CKMT2: variants seen among roughly 807,000 people sequenced by gnomAD.
CKMT2 encodes creatine kinase, mitochondrial 2.
CKMT2 carries 43 observed loss-of-function variants against 48.9 expected under a neutral mutation model. The ratio of observed to expected loss-of-function variants is 0.88; its 90% CI spans 0.69 to 1.13. The LOEUF is 1.13. Among genes scored for constraint, CKMT2 ranks in the 50% most tolerant of loss-of-function variants. The pLI is 0.00. For missense variants in CKMT2, 472 were observed against 555.4 expected, an observed-to-expected ratio of 0.85 and a Z score of 1.51; for synonymous variants, 206 against 213.0, an observed-to-expected ratio of 0.97 and a Z score of 0.29.
intron 8 of CKMT2, among the ~76,000 whole-genome samples, chr5:81,259,759 C>T (rs558098816): frequency 6.6e-6 from 1 of 152,214 alleles, no homozygotes; most frequent in African/African-American, 2.4e-5. Context: ...GAGACTTAGA[C>T]TCCCACACAA....
At position 81,257,080 on chromosome 5, in the gene CKMT2, G is replaced by A; in HGVS notation, c.755+80G>A. 3 of 1,128,434 alleles carry A rather than the reference G, an allele frequency of 2.7e-6. 1 individual carries two copies. In the South Asian group the frequency reaches 4.1e-5, roughly 15 times the overall value. The allele number at this position is 1,128,434 out of a possible 1,614,324, so 69.9% of individuals were successfully genotyped here. A position where few individuals can be genotyped will look rare whatever the true frequency, so the allele number is the denominator to read the frequency against. On this transcript the variant is annotated intron_variant, in intron 6 of 9. Coordinates refer to ENST00000254035, the MANE Select transcript of CKMT2 (RefSeq NM_001099735.2). ...CACCTGCTTATCCTAACCTGGAGTTGCTGTGTACTGCAGTTGACAGCATGC... is the reference window on the plus strand; with the variant it reads ...CACCTGCTTATCCTAACCTGGAGTTACTGTGTACTGCAGTTGACAGCATGC...
At chr5:81,259,530 GTTCT>G (rs753176992) in intron 8 of CKMT2, 11 of 276,880 alleles carry the variant, frequency 4.0e-5, no homozygotes, top group Non-Finnish European at 6.7e-5. Flanking sequence ...GCTCTCTCTG[GTTCT>G]TTCTATCTCC....
At chr5:81,235,500 C>G (rs1343822673) in intron 1 of CKMT2, among the ~76,000 whole-genome samples, 1 of 152,180 alleles carries the variant, frequency 6.6e-6, no homozygotes, top group Non-Finnish European at 1.5e-5. Context: ...CTGAGGAGTT[C>G]AGACACATGG....
At chr5:81,249,579 G>A (rs1481656461) in intron 1 of CKMT2, among the ~76,000 whole-genome samples, 1 of 152,096 alleles carries the variant, frequency 6.6e-6, no homozygotes, top group Admixed American at 6.5e-5. Context: ...CTTTTTCATC[G>A]TTTGTTGGTA....
At chr5:81,253,848 A>T (rs1333132068) in intron 3 of CKMT2, among the ~76,000 whole-genome samples, 2 of 152,188 alleles carry the variant, frequency 1.3e-5, no homozygotes, top group Non-Finnish European at 2.9e-5. Context: ...TTTGCACGAG[A>T]TCATTTGGGC....
chr5:81,257,983 G>A (rs764941056), intron 7 of CKMT2, 127 bp downstream of exon 7: 1 of 856,012 alleles, frequency 1.2e-6, no homozygotes, highest in Non-Finnish European at 1.7e-6. Flanking sequence ...CAAAGCAACT[G>A]CCGCCTCCCA....
chr5:81,248,511 A>G (rs1170481175), intron 1 of CKMT2, among the ~76,000 whole-genome samples: 1 of 152,324 alleles, frequency 6.6e-6, no homozygotes, highest in East Asian at 1.9e-4. Flanking sequence ...GGTGCAGCTC[A>G]CTGAAGAGCC....
chr5:81,266,338 C>A lies in CKMT2; in HGVS notation c.*80C>A. The A allele has an allele frequency of 2.2e-6, 3 of 1,359,340 alleles. No individual in the cohort carries two copies. The highest frequency in any genetic ancestry group is 2.6e-5 in the South Asian group (2 of 76,126). 84.2% of individuals were successfully genotyped at this position (1,359,340 alleles called of 1,614,324 possible). On this transcript the variant is annotated 3_prime_UTR_variant, in exon 10 of 10. Transcript: ENST00000254035. ...TCTCTACTCTGAGAGTTTTTATACACTTGGAAAAATATAAAATTGTAGATC... is the reference window on the plus strand; with the variant it reads ...TCTCTACTCTGAGAGTTTTTATACAATTGGAAAAATATAAAATTGTAGATC...
intron 1 of CKMT2, among the ~76,000 whole-genome samples, chr5:81,234,220 A>G (rs1007296736): frequency 3.2e-4 from 48 of 152,196 alleles, no homozygotes; most frequent in African/African-American, 1.1e-3. Flanking sequence ...CAAACAGACC[A>G]AAACCTTTAG....
At chr5:81,245,557 C>T (rs140743109) in intron 1 of CKMT2, 41 of 152,362 alleles carry the variant, frequency 2.7e-4, no homozygotes, top group African/African-American at 8.9e-4. Flanking sequence ...CATCTGAGGT[C>T]GTCTGTGAGT....
chr5:81,251,324 C>A, intron 2 of CKMT2, 40 bp downstream of exon 2: 2 of 1,604,494 alleles, frequency 1.2e-6, no homozygotes, highest in Non-Finnish European at 1.7e-6. Flanking sequence ...AGGCCAGGCA[C>A]GGTGGCTCAT....
chr5:81,261,274 A>G (rs1016169442), intron 8 of CKMT2, among the ~76,000 whole-genome samples: 1 of 152,244 alleles, frequency 6.6e-6, no homozygotes, highest in Non-Finnish European at 1.5e-5. Context: ...AGCTGGAAGC[A>G]TTCCCTTTGA....
intron 1 of CKMT2, among the ~76,000 whole-genome samples, chr5:81,243,884 G>A (rs562352908): frequency 6.6e-6 from 1 of 152,158 alleles, no homozygotes; most frequent in Admixed American, 6.5e-5. Flanking sequence ...GTAGAGACAG[G>A]GTTTCGCCAT....
chr5:81,257,882 A>G (rs1464638476), intron 7 of CKMT2, 26 bp downstream of exon 7: 1 of 1,593,072 alleles, frequency 6.3e-7, no homozygotes, highest in African/African-American at 1.4e-5. Context: ...AGATTTCTGG[A>G]TATTTATTAA....
intron 8 of CKMT2, among the ~76,000 whole-genome samples, chr5:81,261,554 A>G (rs1034470525): frequency 2.0e-5 from 3 of 151,300 alleles, no homozygotes; most frequent in Non-Finnish European, 3.0e-5. Context: ...CTATACACCA[A>G]TAGACAAACA....
intron 1 of CKMT2, chr5:81,238,493 C>T (rs939996968): frequency 6.6e-6 from 1 of 152,210 alleles, no homozygotes; most frequent in African/African-American, 2.4e-5. Context: ...CCACAGACCA[C>T]ACTTTGGCAG....
chr5:81,248,521 C>T (rs1454544934), intron 1 of CKMT2, among the ~76,000 whole-genome samples: 3 of 152,120 alleles, frequency 2.0e-5, no homozygotes, highest in Admixed American at 6.6e-5. Flanking sequence ...ACTGAAGAGC[C>T]GTTATCTATT....
At chr5:81,252,643 G>T in intron 2 of CKMT2, 52 bp from the exon 3 acceptor site, 1 of 1,584,030 alleles carries the variant, frequency 6.3e-7, no homozygotes, top group South Asian at 1.1e-5. Context: ...CCTTCCATTG[G>T]CCCCTTTCCT....
intron 1 of CKMT2, chr5:81,235,661 C>T (rs1467049605): frequency 5.3e-5 from 8 of 152,240 alleles, no homozygotes; most frequent in African/African-American, 1.9e-4. Context: ...GTCACAGAAC[C>T]AGAGAAGAGC....
Sources: gnomAD v4.1 joint callset for allele counts (sites outside exome capture counted in the v4.1 genomes callset) on GRCh38, gnomAD v4.1.1 for gene constraint, MANE v1.5 for transcripts, NCBI Gene and HGNC (gene_info 2026-07-23, HGNC 2026-07-21) for gene names.